The following EIF2B1 variants were observed in gnomAD, a reference collection of about 807,000 sequenced individuals.
EIF2B1 encodes the protein translation initiation factor eIF2B subunit alpha.
A neutral mutation model predicts 36.8 loss-of-function variants in EIF2B1; 30 were observed. The ratio of observed to expected loss-of-function variants is 0.81; its 90% CI spans 0.61 to 1.10. The LOEUF is 1.10. EIF2B1 is among the 50% of genes least tolerant of loss of function. The probability of loss-of-function intolerance (pLI) is 0.00; values close to 1 mark genes in which losing one functional copy is unlikely to be tolerated. For missense variants in EIF2B1, 271 were observed against 374.8 expected (o/e 0.72, Z 2.29); for synonymous variants, 139 against 142.2 (o/e 0.98, Z 0.16).
chr12:123,633,445 A>C, intron 1 of EIF2B1, 100 bp downstream of exon 1: 2 of 1,561,610 alleles, frequency 1.3e-6, no homozygotes, highest in Admixed American at 3.3e-5. Flanking sequence ...CCTGAAATTC[A>C]AAAGAAATCT....
At chr12:123,628,351 CTT>C (rs958119194) in intron 4 of EIF2B1, among the ~76,000 whole-genome samples, 2 of 74,978 alleles carry the variant, frequency 2.7e-5, no homozygotes, top group Middle Eastern at 0.012. Flanking sequence ...CCCATAACCT[CTT>C]TTTTTTTTTT....
At chr12:123,621,964 C>T (rs758614575) in intron 8 of EIF2B1, 44 bp from the exon 9 acceptor site, 3 of 1,609,070 alleles carry the variant, frequency 1.9e-6, no homozygotes, top group East Asian at 4.5e-5. Context: ...ATATTTAGTG[C>T]TCTGACCTGG....
intron 6 of EIF2B1, chr12:123,626,128 A>C (rs11831129): frequency 2.5e-6 from 1 of 401,526 alleles, no homozygotes; most frequent in African/African-American, 2.1e-5. Context: ...GCAAGACTCC[A>C]TCTCAAAAAA....
In EIF2B1 at chr12:123,621,737, G is replaced by C; in HGVS notation, c.*19C>G. On this transcript the variant is annotated 3_prime_UTR_variant, in exon 9 of 9. Coordinates refer to ENST00000424014, the MANE Select transcript of EIF2B1 (RefSeq NM_001414.4). ...CCTCAACTACGTAAGCTGCACCTTG[G>C]CAGGAAAGGGCTCACAGGTTACAGA... The C allele has an allele frequency of 6.2e-7, 1 of 1,613,002 alleles. No homozygotes were observed. The highest frequency in any genetic ancestry group is 8.5e-7 in the Non-Finnish European group (1 of 1,180,008).
Position 123,630,065 on chromosome 12 carries a change from T to C in EIF2B1, c.369+104A>G, listed in dbSNP as rs1955176412. 18 of 961,136 alleles carry C rather than the reference T, an allele frequency of 1.9e-5. No individual in the cohort carries two copies. In the East Asian group the frequency reaches 4.3e-4, roughly 23 times the overall value. 59.5% of individuals were successfully genotyped at this position (961,136 alleles called of 1,614,324 possible). ...CTGCACAGACAGGTTAAGTTACTTG[T>C]TCAAGTCTCCACAGCAAGTGAGTGG... On this transcript the variant is annotated intron_variant, in intron 4 of 8. Transcript: ENST00000424014. This position sits in a 1 kb window ranked among gnomAD's most constrained non-coding sequence, Gnocchi z 4.6.
chr12:123,623,266 A>G (rs1435552522), intron 7 of EIF2B1, among the ~76,000 whole-genome samples: 1 of 151,846 alleles, frequency 6.6e-6, no homozygotes, highest in Admixed American at 6.6e-5. Flanking sequence ...GGTGCCTGTA[A>G]TCCCAGCTAC....
intron 4 of EIF2B1, among the ~76,000 whole-genome samples, chr12:123,629,534 C>A (rs1390186785): frequency 6.6e-6 from 1 of 152,180 alleles, no homozygotes; most frequent in East Asian, 1.9e-4. Flanking sequence ...TGGCTCACGC[C>A]TGTAATCCCA....
chr12:123,620,588 A>T lies in EIF2B1; in HGVS notation c.*1168T>A, dbSNP rs1273330915. The stretch of plus-strand genomic sequence containing the variant: ...ATAGACATATGTACATATTATATAT[A>T]TATATATATATATATATATATATAT... On this transcript the variant is annotated 3_prime_UTR_variant, in exon 9 of 9. Coordinates refer to ENST00000424014, the MANE Select transcript of EIF2B1 (RefSeq NM_001414.4). The T allele has an allele frequency of 5.7e-5, 3 of 52,630 alleles. No homozygotes were observed. Among genetic ancestry groups the T allele is most frequent in the African/African-American group, 2.1e-4 (3 of 14,478 alleles). The allele number at this position is 52,630 out of a possible 1,614,324, so 3.3% of individuals were successfully genotyped here.
Position 123,621,435 on chromosome 12 carries a change from G to A in EIF2B1, c.*321C>T, listed in dbSNP as rs1955097124. The A allele has an allele frequency of 5.2e-6, 2 of 385,344 alleles. No homozygotes were observed. Among genetic ancestry groups the A allele is most frequent in the East Asian group, 6.4e-5 (1 of 15,730 alleles). 23.9% of individuals were successfully genotyped at this position (385,344 alleles called of 1,614,324 possible). On this transcript the variant is annotated 3_prime_UTR_variant, in exon 9 of 9. Coordinates refer to ENST00000424014, the MANE Select transcript of EIF2B1 (RefSeq NM_001414.4). ...TAGGCAGATCAGTCTGGAGTGCAGG[G>A]GAGGATGAAGACAGGTGGACTTGGG...
At chr12:123,624,707 T>C in intron 7 of EIF2B1, 80 bp downstream of exon 7, 2 of 1,194,936 alleles carry the variant, frequency 1.7e-6, no homozygotes, top group South Asian at 2.5e-5. Context: ...GGAACCATAA[T>C]CAACACTGCT....
chr12:123,626,182 C>T, intron 6 of EIF2B1: 1 of 541,722 alleles, frequency 1.8e-6, no homozygotes, highest in Non-Finnish European at 3.3e-6. Context: ...ACAAACTCAA[C>T]ACTTACAGCC....
chr12:123,627,213 C>G, intron 4 of EIF2B1, 57 bp from the exon 5 acceptor site: 1 of 1,342,412 alleles, frequency 7.4e-7, no homozygotes, highest in Admixed American at 1.7e-5. Flanking sequence ...CACTCACACC[C>G]TCTGCACTGC....
chr12:123,625,977 A>C (rs1955145283), intron 6 of EIF2B1: 1 of 195,548 alleles, frequency 5.1e-6, no homozygotes, highest in South Asian at 9.6e-5. Context: ...CTAAAAATAT[A>C]AAAGAATTAA....
chr12:123,629,483 G>T lies in EIF2B1; in HGVS notation c.369+686C>A, dbSNP rs535608149. Reference sequence around the variant, plus strand: ...ATACAATCATAAAAATACTTCTTTAGTAAAACACTGTATTAAATCAAGAAT... The same window carrying T: ...ATACAATCATAAAAATACTTCTTTATTAAAACACTGTATTAAATCAAGAAT... On this transcript the variant is annotated intron_variant, in intron 4 of 8. Transcript: ENST00000424014. Among the ~76,000 whole-genome samples the T allele has an allele frequency of 2.6e-5, 4 of 152,242 alleles. No individual in the cohort carries two copies. In the South Asian group the frequency reaches 8.3e-4, roughly 32 times the overall value.
chr12:123,626,177 C>T, intron 6 of EIF2B1: 2 of 533,112 alleles, frequency 3.8e-6, no homozygotes, highest in Admixed American at 3.2e-5. Flanking sequence ...CAACAACAAA[C>T]TCAACACTTA....
At position 123,630,502 on chromosome 12, in the gene EIF2B1, G is replaced by A. The variant is rs1955179907; in HGVS notation, c.147C>T (p.Leu49=). ...CACACAGGGTTTCTATGGCACTGGT[G>A]AGATTCGCCCTCAGACCCTGGATTG... ...GETIQGLRAN[L]TSAIETLCGV... Residue 49 remains leucine (L), a synonymous_variant, in exon 3 of 9, where the codon CTC becomes CTT. Transcript: ENST00000424014. This position sits in a 1 kb window ranked among gnomAD's most constrained non-coding sequence, Gnocchi z 4.6. The A allele has an allele frequency of 1.2e-6, 2 of 1,613,434 alleles. No individual in the cohort carries two copies. The highest frequency in any genetic ancestry group is 1.7e-5 in the Admixed American group (1 of 59,994).
intron 7 of EIF2B1, among the ~76,000 whole-genome samples, chr12:123,624,575 C>T (rs1044740514): frequency 6.6e-6 from 1 of 152,150 alleles, no homozygotes; most frequent in African/African-American, 2.4e-5. Flanking sequence ...ACATTGTCTT[C>T]ATTTATGTAG....
chr12:123,632,531 G>C, intron 1 of EIF2B1, 85 bp from the exon 2 acceptor site: 4 of 923,252 alleles, frequency 4.3e-6, no homozygotes, highest in Non-Finnish European at 5.3e-6. Flanking sequence ...TTGACTTTAA[G>C]AAGCAAACAA....
At chr12:123,622,783 T>C in intron 7 of EIF2B1, 22 bp from the exon 8 acceptor site, 2 of 1,613,190 alleles carry the variant, frequency 1.2e-6, no homozygotes, top group Non-Finnish European at 1.7e-6. Context: ...GAAAATGGAA[T>C]GGATGAGCTC....
Sources: allele counts gnomAD v4.1 joint callset (sites outside exome capture counted in the v4.1 genomes callset), GRCh38; gene constraint gnomAD v4.1.1; non-coding constraint Gnocchi (gnomAD v3.1); transcripts MANE v1.5; gene names NCBI Gene and HGNC (gene_info 2026-07-23, HGNC 2026-07-21).